FOXP2: variants seen among roughly 807,000 people sequenced by gnomAD.
FOXP2 encodes the protein forkhead box P2.
A neutral mutation model predicts 115.8 loss-of-function variants in FOXP2; 12 were observed. The observed-to-expected ratio is 0.10, with a 90% CI of 0.07 to 0.17. The LOEUF is 0.17. FOXP2 is among the 10% of genes least tolerant of loss of function. The probability of loss-of-function intolerance (pLI) is 1.00; values close to 1 mark genes in which losing one functional copy is unlikely to be tolerated. For synonymous variants in FOXP2, 328 were observed against 297.7 expected (o/e 1.10, Z -1.05); for missense variants, 629 against 843.5 (o/e 0.75, Z 3.15).
chr7:114,148,579 A>T (rs1792444803), intron 1 of FOXP2, among the ~76,000 whole-genome samples: 1 of 152,142 alleles, frequency 6.6e-6, no homozygotes, highest in Non-Finnish European at 1.5e-5. Flanking sequence ...GACTTTTTCC[A>T]TTAGATACTT....
At chr7:114,650,062 A>G (rs1398320174) in intron 8 of FOXP2, among the ~76,000 whole-genome samples, 1 of 152,142 alleles carries the variant, frequency 6.6e-6, no homozygotes, top group Non-Finnish European at 1.5e-5. Flanking sequence ...TTCAATCAAG[A>G]CAAAACCTCA....
chr7:114,271,660 T>C (rs1317369072), intron 1 of FOXP2, among the ~76,000 whole-genome samples: 1 of 119,500 alleles, frequency 8.4e-6, no homozygotes, highest in Non-Finnish European at 1.6e-5. Flanking sequence ...ATAAATATTA[T>C]TAAATATATT....
chr7:114,217,888 T>C (rs1186482532), intron 1 of FOXP2, among the ~76,000 whole-genome samples: 1 of 152,178 alleles, frequency 6.6e-6, no homozygotes, highest in Non-Finnish European at 1.5e-5. Context: ...ACTACTTTAA[T>C]TTTAGCAAGT....
intron 1 of FOXP2, among the ~76,000 whole-genome samples, chr7:114,134,271 AAGGAGG>A (rs2129145928): frequency 6.6e-6 from 1 of 152,256 alleles, no homozygotes; most frequent in South Asian, 2.1e-4. Flanking sequence ...GAGAGAAAGG[AAGGAGG>A]ATATTTAGAG....
At position 114,452,526 on chromosome 7, in the gene FOXP2, G is replaced by A. The variant is rs74586822; in HGVS notation, c.168+25847G>A. 8.8e-3 allele frequency among the ~76,000 whole-genome samples: 1,336 copies of A among 152,126 alleles called. 24 individuals are homozygous for A. Among genetic ancestry groups the A allele is most frequent in the African/African-American group, 0.03 (1,252 of 41,552 alleles). ...TAGAGGTTTGAAAATTGATTGATTA[G>A]TGTGATGTATTCCAGACTTCCATAT... On this transcript the variant is annotated intron_variant, in intron 2 of 16. Coordinates refer to ENST00000350908, the MANE Select transcript of FOXP2 (RefSeq NM_014491.4).
intron 1 of FOXP2, among the ~76,000 whole-genome samples, chr7:114,278,571 C>A (rs1468821426): frequency 1.3e-5 from 2 of 152,136 alleles, no homozygotes; most frequent in Non-Finnish European, 2.9e-5. Flanking sequence ...CCAGGCTGGT[C>A]TTGAACTCCT....
chr7:114,172,882 A>C (rs934679199), intron 1 of FOXP2, among the ~76,000 whole-genome samples: 2 of 152,132 alleles, frequency 1.3e-5, no homozygotes, highest in Admixed American at 6.6e-5. Context: ...AATTTAAAAA[A>C]CAATATTTCG....
rs768708665 is a variant in FOXP2 at position 114,504,643 on chromosome 7, G to C, written c.169-29974G>C. ...CTGTATCAATATTCACCCAAAAAAA[G>C]AAAAAGAGTCATGCAGAGAATGTCA... On this transcript the variant is annotated intron_variant, in intron 2 of 16. Coordinates refer to ENST00000350908, the MANE Select transcript of FOXP2 (RefSeq NM_014491.4). Among the ~76,000 whole-genome samples, 71 of 151,430 alleles carry C rather than the reference G, an allele frequency of 4.7e-4. 1 individual carries two copies. The highest frequency in any genetic ancestry group is 1.5e-4 in the Non-Finnish European group (10 of 67,554).
chr7:114,402,928 G>A (rs935305700), intron 2 of FOXP2, among the ~76,000 whole-genome samples: 3 of 151,986 alleles, frequency 2.0e-5, no homozygotes, highest in Admixed American at 2.0e-4. Flanking sequence ...TTGCAGGCAG[G>A]AGCTACCATG....
At chr7:114,578,247 TC>T (rs1801672551) in intron 3 of FOXP2, among the ~76,000 whole-genome samples, 1 of 151,994 alleles carries the variant, frequency 6.6e-6, no homozygotes, top group Admixed American at 6.6e-5. Context: ...TCTACTCTTT[TC>T]TCCTTTTATA....
intron 16 of FOXP2, among the ~76,000 whole-genome samples, chr7:114,677,550 C>A (rs575556941): frequency 2.0e-5 from 3 of 152,284 alleles, no homozygotes; most frequent in South Asian, 4.1e-4. Flanking sequence ...CACTGTGTGA[C>A]CACAATCTAA....
intron 10 of FOXP2, among the ~76,000 whole-genome samples, chr7:114,655,188 T>C (rs1806511783): frequency 6.6e-6 from 1 of 152,180 alleles, no homozygotes; most frequent in South Asian, 2.1e-4. Flanking sequence ...ATAAGATTTT[T>C]TCCCTCATTG....
At chr7:114,124,962 A>G (rs989667216) in intron 1 of FOXP2, among the ~76,000 whole-genome samples, 1 of 152,150 alleles carries the variant, frequency 6.6e-6, no homozygotes, top group African/African-American at 2.4e-5. Context: ...AAACAAGAAT[A>G]TAAGCATTAA....
At chr7:114,220,678 T>A (rs982967998) in intron 1 of FOXP2, among the ~76,000 whole-genome samples, 15 of 152,164 alleles carry the variant, frequency 9.9e-5, no homozygotes, top group African/African-American at 3.6e-4. Context: ...CATGTCAGAC[T>A]TTCCTATTCA....
At chr7:114,524,277 G>A (rs1798758551) in intron 2 of FOXP2, among the ~76,000 whole-genome samples, 1 of 151,738 alleles carries the variant, frequency 6.6e-6, no homozygotes, top group Non-Finnish European at 1.5e-5. Flanking sequence ...TACAATATAA[G>A]CTTGTATGTC....
chr7:114,509,670 T>TGGG (rs377552024), intron 2 of FOXP2, among the ~76,000 whole-genome samples: 37 of 139,142 alleles, frequency 2.7e-4, no homozygotes, highest in African/African-American at 8.5e-4. Context: ...TTTTCTTTGG[T>TGGG]GGGGGGGGGG....
intron 1 of FOXP2, among the ~76,000 whole-genome samples, chr7:114,271,788 GTA>G (rs1796058197): frequency 8.7e-6 from 1 of 115,160 alleles, no homozygotes; most frequent in Non-Finnish European, 1.6e-5. Context: ...ATATATAAAT[GTA>G]TGTCATATTA....
At chr7:114,453,926 C>G (rs568551364) in intron 2 of FOXP2, among the ~76,000 whole-genome samples, 231 of 152,124 alleles carry the variant, frequency 1.5e-3, no homozygotes, top group Middle Eastern at 3.4e-3. Flanking sequence ...TAGAAGAAAA[C>G]CTAGGCATTA....
chr7:114,120,992 C>T (rs1791547469), intron 1 of FOXP2, among the ~76,000 whole-genome samples: 1 of 151,876 alleles, frequency 6.6e-6, no homozygotes, highest in African/African-American at 2.4e-5. Flanking sequence ...ACATTGCTAG[C>T]TTGTGTACAA....
Sources: allele counts gnomAD v4.1 joint callset (sites outside exome capture counted in the v4.1 genomes callset), GRCh38; gene constraint gnomAD v4.1.1; transcripts MANE v1.5; gene names NCBI Gene and HGNC (gene_info 2026-07-23, HGNC 2026-07-21).